The following C16orf89 variants were observed in gnomAD, a reference collection of about 807,000 sequenced individuals.
C16orf89 encodes the protein UPF0764 protein C16orf89.
C16orf89 carries 57 observed loss-of-function variants against 41.5 expected under a neutral mutation model. The ratio of observed to expected loss-of-function variants is 1.38; its 90% CI spans 1.11 to 1.71. The LOEUF (loss-of-function observed/expected upper bound fraction) is 1.71, where lower values mean the gene tolerates loss of function less well. Among genes scored for constraint, C16orf89 ranks in the 40% most tolerant of loss-of-function variants. C16orf89 has a pLI of 0.00. For missense variants in C16orf89, 575 were observed against 445.9 expected (o/e 1.29, Z -2.61); for synonymous variants, 223 against 190.6 (o/e 1.17, Z -1.40).
At chr16:5,050,528 C>T (rs774043388) in intron 6 of C16orf89, among the ~76,000 whole-genome samples, 1 of 152,130 alleles carries the variant, frequency 6.6e-6, no homozygotes, top group African/African-American at 2.4e-5. Context: ...AGCCCAGGAC[C>T]TGACAGCTTC....
At chr16:5,047,653 A>G (rs942289420) in intron 7 of C16orf89, among the ~76,000 whole-genome samples, 3 of 151,972 alleles carry the variant, frequency 2.0e-5, no homozygotes, top group African/African-American at 4.8e-5. Context: ...TTTTTAGTAG[A>G]GACAGGGTTT....
rs35641084 is a variant in C16orf89, at chr16:5,052,099, CAAAAA to C, written c.868+3142_868+3146del. On this transcript the variant is annotated intron_variant, in intron 6 of 7. Transcript: ENST00000472572. ...CCTGGGTGACAGAACGAGACTGTCTCAAAAAAAAAAAAAAAAAAAAAGAAGGAAAA... is the reference window on the plus strand; with the variant it reads ...CCTGGGTGACAGAACGAGACTGTCTCAAAAAAAAAAAAAAAAGAAGGAAAA... Among the ~76,000 whole-genome samples, 8 of 78,694 alleles carry C rather than the reference CAAAAA, an allele frequency of 1.0e-4. 1 individual carries two copies. The East Asian group carries it at 2.7e-3, about 27-fold the overall frequency. The allele number at this position is 78,694 out of a possible 152,430, so 51.6% of individuals were successfully genotyped here. A position where few individuals can be genotyped will look rare whatever the true frequency, so the allele number is the denominator to read the frequency against.
At position 5,060,435 on chromosome 16, in the gene C16orf89, C is replaced by A. The variant is rs778130747; in HGVS notation, c.360G>T (p.Glu120Asp). The change falls in exon 3 of 8, where the codon GAG becomes GAT. Residue 120 changes from glutamate (E) to aspartate (D), a missense_variant and splice_region_variant. Physicochemically the swap from Glu to Asp is conservative, Grantham distance 45. Transcript: ENST00000472572. ...LKLSDPKYLR[E>D]FQLTLQPGFW... The stretch of plus-strand genomic sequence containing the variant: ...ACCCGGGCTGGAGGGTCAGCTGGAA[C>A]TCTGGCAGAGAGGACAGATAGATGG... 2 of 1,611,668 alleles carry A rather than the reference C, an allele frequency of 1.2e-6. No homozygotes were observed. Among genetic ancestry groups the A allele is most frequent in the Non-Finnish European group, 1.7e-6 (2 of 1,178,860 alleles).
chr16:5,060,781 C>A (rs1184090177), intron 2 of C16orf89, among the ~76,000 whole-genome samples: 1 of 151,974 alleles, frequency 6.6e-6, no homozygotes, highest in Non-Finnish European at 1.5e-5. Context: ...AGGAAGATCG[C>A]TTGAGGCCCA....
At chr16:5,062,113 T>G (rs1596705896) in intron 2 of C16orf89, among the ~76,000 whole-genome samples, 1 of 152,246 alleles carries the variant, frequency 6.6e-6, no homozygotes, top group East Asian at 1.9e-4. Context: ...CTCTCCCCTC[T>G]GGGACAGCCC....
rs1288293517 is a variant in C16orf89 at position 5,053,124 on chromosome 16, C to T, written c.868+2122G>A. 2.0e-5 allele frequency among the ~76,000 whole-genome samples: 3 copies of T among 152,116 alleles called. No individual in the cohort carries two copies. In the East Asian group the frequency reaches 5.8e-4, roughly 29 times the overall value. On this transcript the variant is annotated intron_variant, in intron 6 of 7. Transcript: ENST00000472572. ...AGGCAGGGTGCCTGTAATCCCAGCACTTTGGGAGGCCGAGGTGGGTGGATC... is the reference window on the plus strand; with the variant it reads ...AGGCAGGGTGCCTGTAATCCCAGCATTTTGGGAGGCCGAGGTGGGTGGATC...
rs751388460 is a variant in C16orf89, at chr16:5,055,273, G to C, written c.841C>G (p.Gln281Glu). ...GGCTCCCCGAAGCATCCTTCCTGCTGTTTCTGCCAGCTGAGAATGGCCTCC... is the reference window on the plus strand; with the variant it reads ...GGCTCCCCGAAGCATCCTTCCTGCTCTTTCTGCCAGCTGAGAATGGCCTCC... ...WLEAILSWQK[Q>E]QEGCFGEPDA... Residue 281 changes from glutamine (Q) to glutamate (E), a missense_variant, in exon 6 of 8, where the codon CAG becomes GAG. By Grantham distance (29) the Gln-to-Glu change is conservative. Transcript: ENST00000472572. 4.3e-6 allele frequency: 7 copies of C among 1,612,968 alleles called. No homozygotes were observed. The Admixed American group carries it at 8.3e-5, about 19-fold the overall frequency.
intron 1 of C16orf89, among the ~76,000 whole-genome samples, chr16:5,065,146 G>C (rs1956711122): frequency 6.6e-6 from 1 of 152,178 alleles, no homozygotes; most frequent in Non-Finnish European, 1.5e-5. Context: ...GTGCTTGTGT[G>C]TGTGTGCATG....
chr16:5,053,571 C>T (rs1447398092), intron 6 of C16orf89, among the ~76,000 whole-genome samples: 3 of 150,148 alleles, frequency 2.0e-5, no homozygotes, highest in African/African-American at 4.9e-5. Flanking sequence ...GACAGTGTCT[C>T]GCTTTGTCAC....
At chr16:5,047,495 T>A (rs547290466) in intron 7 of C16orf89, among the ~76,000 whole-genome samples, 1 of 148,704 alleles carries the variant, frequency 6.7e-6, no homozygotes, top group Admixed American at 6.9e-5. Context: ...TGAGACAGGG[T>A]CTTGCTCTGT....
At chr16:5,055,612 C>T in intron 5 of C16orf89, 1 of 1,417,488 alleles carries the variant, frequency 7.1e-7, no homozygotes, top group African/African-American at 1.4e-5. Context: ...TTGGACACCC[C>T]AGCCAGCTAG....
intron 7 of C16orf89, among the ~76,000 whole-genome samples, chr16:5,046,767 C>T (rs4786582): frequency 0.28 from 42,118 of 152,010 alleles, 5,943 homozygotes; most frequent in Middle Eastern, 0.34. Context: ...CTTTCTTCTA[C>T]GTTATTTCTT....
chr16:5,060,224 C>T, intron 3 of C16orf89, 62 bp downstream of exon 3: 1 of 1,529,682 alleles, frequency 6.5e-7, no homozygotes. Flanking sequence ...AGGAGCGGGA[C>T]AGGACCAGCT....
chr16:5,044,012 A>T, downstream of C16orf89: 1 of 633,678 alleles, frequency 1.6e-6, no homozygotes, highest in Non-Finnish European at 2.0e-6. Flanking sequence ...AAAAAAAAAA[A>T]AAGGAAAAAA....
Position 5,055,282 on chromosome 16 carries a change from A to C in C16orf89, c.832T>G (p.Trp278Gly). ...KLRWLEAILSWQKQQEGCFGE... is the reference protein window; with the variant it reads ...KLRWLEAILSGQKQQEGCFGE... The stretch of plus-strand genomic sequence containing the variant: ...AAGCATCCTTCCTGCTGTTTCTGCC[A>C]GCTGAGAATGGCCTCCAGCCACCGG... The change falls in exon 6 of 8, where the codon TGG becomes GGG. Residue 278 changes from tryptophan to glycine, a missense_variant. Transcript: ENST00000472572. 6.2e-7 allele frequency: 1 copy of C among 1,612,994 alleles called. No homozygotes were observed. Among genetic ancestry groups the C allele is most frequent in the East Asian group, 2.2e-5 (1 of 44,816 alleles).
chr16:5,047,387 T>C (rs1596683084), intron 7 of C16orf89, among the ~76,000 whole-genome samples: 1 of 152,180 alleles, frequency 6.6e-6, no homozygotes, highest in East Asian at 1.9e-4. Context: ...AGGGTTACTG[T>C]TGCTATTTTT....
chr16:5,061,826 A>C (rs1240795290), intron 2 of C16orf89, among the ~76,000 whole-genome samples: 1 of 152,104 alleles, frequency 6.6e-6, no homozygotes, highest in Non-Finnish European at 1.5e-5. Context: ...TTGGAGCAGC[A>C]TGATGGACTG....
chr16:5,044,667 C>T (rs1956262148), intron 7 of C16orf89, 189 bp from the exon 8 acceptor site: 1 of 1,193,368 alleles, frequency 8.4e-7, no homozygotes, highest in African/African-American at 1.5e-5. Flanking sequence ...CATGATGAAA[C>T]CCTGTCTCTA....
chr16:5,050,960 C>T (rs560057791), intron 6 of C16orf89, among the ~76,000 whole-genome samples: 2 of 152,276 alleles, frequency 1.3e-5, no homozygotes, highest in East Asian at 3.9e-4. Context: ...ATCATATAAT[C>T]ATCTTAATAG....
Sources: allele counts gnomAD v4.1 joint callset (sites outside exome capture counted in the v4.1 genomes callset), GRCh38; gene constraint gnomAD v4.1.1; transcripts MANE v1.5; gene names NCBI Gene and HGNC (gene_info 2026-07-23, HGNC 2026-07-21).